TACC2: variants seen among roughly 807,000 people sequenced by gnomAD.
TACC2 encodes transforming acidic coiled-coil containing protein 2, also known as transforming acidic coiled-coil-containing protein 2.
TACC2 carries 137 observed loss-of-function variants against 227.3 expected under a neutral mutation model. The observed-to-expected ratio is 0.60, with a 90% confidence interval of 0.52 to 0.69. The LOEUF (loss-of-function observed/expected upper bound fraction) is 0.69, where lower values mean the gene tolerates loss of function less well. Among genes scored for constraint, TACC2 ranks in the 30% least tolerant of loss-of-function variants. The probability of loss-of-function intolerance (pLI) is 0.00; values close to 1 mark genes in which losing one functional copy is unlikely to be tolerated. For synonymous variants in TACC2, 1,523 were observed against 1,487.5 expected (o/e 1.02, Z -0.55); for missense variants, 3,470 against 3,694.4 (o/e 0.94, Z 1.57).
chr10:122,202,013 C>CTTTT (rs767544440), intron 8 of TACC2, among the ~76,000 whole-genome samples: 1 of 102,358 alleles, frequency 9.8e-6, no homozygotes, highest in African/African-American at 3.5e-5. Context: ...TCTTCTTTAG[C>CTTTT]TTTTTTTTTT....
chr10:122,119,029 G>A (rs2085234303), intron 5 of TACC2, among the ~76,000 whole-genome samples: 1 of 152,086 alleles, frequency 6.6e-6, no homozygotes, highest in Non-Finnish European at 1.5e-5. Flanking sequence ...ATTTTTAAGT[G>A]TACAGTTTGG....
chr10:122,023,229 C>T (rs1472509755), intron 2 of TACC2: 1 of 152,114 alleles, frequency 6.6e-6, no homozygotes, highest in Non-Finnish European at 1.5e-5. Flanking sequence ...AGGGTTTCAC[C>T]ATGTTGGCCA....
chr10:122,132,421 C>G (rs955815164), intron 5 of TACC2, among the ~76,000 whole-genome samples, 188 bp from the exon 6 acceptor site: 1 of 152,148 alleles, frequency 6.6e-6, no homozygotes, highest in African/African-American at 2.4e-5. Flanking sequence ...GGTGGCGGGG[C>G]GCCTGTAATC....
At chr10:122,159,678 C>G (rs2092702766) in intron 7 of TACC2, among the ~76,000 whole-genome samples, 1 of 152,172 alleles carries the variant, frequency 6.6e-6, no homozygotes, top group East Asian at 1.9e-4. Context: ...CAGCCTCCCT[C>G]TGCTCGCCAC....
At chr10:122,177,667 A>G (rs956706906) in intron 7 of TACC2, among the ~76,000 whole-genome samples, 1 of 152,202 alleles carries the variant, frequency 6.6e-6, no homozygotes, top group Non-Finnish European at 1.5e-5. Flanking sequence ...GGGAGGAGAT[A>G]AGGCCCAAGC....
intron 2 of TACC2, among the ~76,000 whole-genome samples, chr10:122,043,538 C>CTT (rs2074591014): frequency 1.9e-5 from 1 of 51,992 alleles, no homozygotes; most frequent in Non-Finnish European, 3.9e-5. Context: ...TTCTTTCTCT[C>CTT]TCTCTCTGTC....
intron 5 of TACC2, among the ~76,000 whole-genome samples, chr10:122,112,448 GT>G (rs749000284): frequency 4.6e-5 from 7 of 152,224 alleles, no homozygotes; most frequent in Non-Finnish European, 8.8e-5. Context: ...CGCACGTCAA[GT>G]TTTGCAAACT....
chr10:122,057,475 C>T (rs1024792917), intron 3 of TACC2, among the ~76,000 whole-genome samples: 4 of 152,002 alleles, frequency 2.6e-5, no homozygotes, highest in African/African-American at 7.2e-5. Context: ...TGAACAGACT[C>T]CCTCTTGGCC....
chr10:122,195,289 T>C lies in TACC2; in HGVS notation c.5971+113T>C, dbSNP rs375304808. Reference sequence around the variant, plus strand: ...GGAGGCGAGCACTGACTCGACCTCTTGGCTTTGAGTTGTGCTTGACGTGGC... The same window carrying C: ...GGAGGCGAGCACTGACTCGACCTCTCGGCTTTGAGTTGTGCTTGACGTGGC... On this transcript the variant is annotated intron_variant, in intron 8 of 22. Coordinates refer to ENST00000369005, the MANE Select transcript of TACC2 (RefSeq NM_206862.4). 1.6e-5 allele frequency: 14 copies of C among 902,916 alleles called. No individual in the cohort carries two copies. In the East Asian group the frequency reaches 3.4e-4, roughly 22 times the overall value. The allele number at this position is 902,916 out of a possible 1,614,324, so 55.9% of individuals were successfully genotyped here. A position where few individuals can be genotyped will look rare whatever the true frequency, so the allele number is the denominator to read the frequency against.
Position 122,086,594 on chromosome 10 carries a change from A to T in TACC2, c.4094A>T (p.Asp1365Val), listed in dbSNP as rs768892142. The T allele has an allele frequency of 6.3e-7, 1 of 1,597,798 alleles. No individual in the cohort carries two copies. Among genetic ancestry groups the T allele is most frequent in the Non-Finnish European group, 8.5e-7 (1 of 1,172,036 alleles). Residue 1365 changes from aspartate to valine, a missense_variant, in exon 4 of 23, where the codon GAT (aspartate) becomes GTT (valine). Around this residue, in one of 10 missense-constraint regions of TACC2, gnomAD observed 1,924 missense variants for 1,978.3 expected, o/e 0.97. Transcript: ENST00000369005. Reference sequence around the variant, plus strand: ...GCCAGTGGGGAGGGCATGGCAGGTGATGCAGCAGGAGAGACAGAGGGCAGC... The same window carrying T: ...GCCAGTGGGGAGGGCATGGCAGGTGTTGCAGCAGGAGAGACAGAGGGCAGC... ...AKASGEGMAG[D>V]AAGETEGSME...
In TACC2 at chr10:122,180,592, C is replaced by A. The variant is rs914895223; in HGVS notation, c.5835-14448C>A. Among the ~76,000 whole-genome samples, 1 of 152,162 alleles carries A rather than the reference C, an allele frequency of 6.6e-6. No homozygotes were observed. Among genetic ancestry groups the A allele is most frequent in the South Asian group, 2.1e-4 (1 of 4,828 alleles). Reference sequence around the variant, plus strand: ...TGACCTTGTGATCCACCTGCCTCGGCGTCCCGAAGTGCTGGGATTACAGGC... The same window carrying A: ...TGACCTTGTGATCCACCTGCCTCGGAGTCCCGAAGTGCTGGGATTACAGGC... On this transcript the variant is annotated intron_variant, in intron 7 of 22. Transcript: ENST00000369005. This position sits in a 1 kb window ranked among gnomAD's most constrained non-coding sequence, Gnocchi z 4.5.
chr10:122,246,293 A>G (rs1021676511), intron 19 of TACC2, among the ~76,000 whole-genome samples: 1 of 152,144 alleles, frequency 6.6e-6, no homozygotes, highest in African/African-American at 2.4e-5. Flanking sequence ...CTGGGACCCT[A>G]AGAGGTCAGA....
At position 122,244,655 on chromosome 10, in the gene TACC2, C is replaced by G. The variant is rs1241720932; in HGVS notation, c.8392+2654C>G. On this transcript the variant is annotated intron_variant, in intron 19 of 22. Coordinates refer to ENST00000369005, the MANE Select transcript of TACC2 (RefSeq NM_206862.4). ...CCACCTGGGTTCCATGCTTTTCTTT[C>G]CATTTTCACTCACGTAACCAGCATC... Among the ~76,000 whole-genome samples the G allele has an allele frequency of 2.6e-5, 4 of 152,132 alleles. No homozygotes were observed. The South Asian group carries it at 6.2e-4, about 24-fold the overall frequency.
At chr10:122,103,240 CA>C (rs1381804406) in intron 5 of TACC2, among the ~76,000 whole-genome samples, 1 of 152,158 alleles carries the variant, frequency 6.6e-6, no homozygotes, top group Non-Finnish European at 1.5e-5. Flanking sequence ...AAATAACCCA[CA>C]GTTTAGCTGT....
chr10:122,207,065 G>A (rs1176853088), intron 8 of TACC2, among the ~76,000 whole-genome samples: 1 of 152,082 alleles, frequency 6.6e-6, no homozygotes, highest in African/African-American at 2.4e-5. Context: ...TTGGGAGGCT[G>A]AGGCAGACGG....
At chr10:122,026,855 T>G (rs1172773620) in intron 2 of TACC2, among the ~76,000 whole-genome samples, 1 of 152,166 alleles carries the variant, frequency 6.6e-6, no homozygotes, top group Non-Finnish European at 1.5e-5. Context: ...TGTACCGGTT[T>G]ATTGATCTAC....
intron 18 of TACC2, among the ~76,000 whole-genome samples, chr10:122,241,108 G>A (rs1301749248): frequency 2.6e-5 from 4 of 152,126 alleles, no homozygotes; most frequent in African/African-American, 9.7e-5. Context: ...TAGAAATAGA[G>A]AGAAAGTGAA....
chr10:122,015,908 A>C (rs1039324626), intron 1 of TACC2, among the ~76,000 whole-genome samples: 2 of 151,506 alleles, frequency 1.3e-5, no homozygotes, highest in African/African-American at 2.4e-5. Flanking sequence ...CTGTGCCCTC[A>C]GTGTTTAAAT....
intron 8 of TACC2, among the ~76,000 whole-genome samples, chr10:122,198,048 C>T (rs780688974): frequency 6.6e-6 from 1 of 152,240 alleles, no homozygotes; most frequent in Non-Finnish European, 1.5e-5. Flanking sequence ...GCTGTGGGAA[C>T]CACGTGAATT....
Sources: gnomAD v4.1 joint callset for allele counts (sites outside exome capture counted in the v4.1 genomes callset) on GRCh38, gnomAD v4.1.1 for gene constraint, gnomAD v4.1.1 regional missense constraint, Gnocchi (gnomAD v3.1) non-coding constraint, MANE v1.5 for transcripts, NCBI Gene and HGNC (gene_info 2026-07-23, HGNC 2026-07-21) for gene names.